SDK1: variants seen among roughly 807,000 people sequenced by gnomAD.
SDK1 encodes the protein protein sidekick-1.
SDK1 carries 157 observed loss-of-function variants against 245.5 expected under a neutral mutation model. The observed-to-expected ratio is 0.64, with a 90% CI of 0.56 to 0.73. SDK1 has a LOEUF of 0.73. Among genes scored for constraint, SDK1 ranks in the 30% least tolerant of loss-of-function variants. SDK1 has a pLI of 0.00. For synonymous variants in SDK1, 1,647 were observed against 1,278.5 expected, an observed-to-expected ratio of 1.29 and a Z score of -6.15; for missense variants, 3,583 against 3,002.3, an observed-to-expected ratio of 1.19 and a Z score of -4.52.
chr7:3,394,042 A>G (rs1327381524), intron 1 of SDK1, among the ~76,000 whole-genome samples: 9 of 152,244 alleles, frequency 5.9e-5, no homozygotes, highest in Admixed American at 5.9e-4. Flanking sequence ...ATTAGGGGGC[A>G]CCCTAAGGCC....
intron 5 of SDK1, among the ~76,000 whole-genome samples, chr7:3,906,990 C>G (rs1778973459): frequency 6.6e-6 from 1 of 152,226 alleles, no homozygotes; most frequent in South Asian, 2.1e-4. Flanking sequence ...ATCAAGCTTA[C>G]CTTTTCATTT....
chr7:3,447,384 CT>C (rs1780371663), intron 1 of SDK1, among the ~76,000 whole-genome samples: 1 of 151,872 alleles, frequency 6.6e-6, no homozygotes, highest in Non-Finnish European at 1.5e-5. Flanking sequence ...TAGGGTGTAT[CT>C]CTTCATACTC....
intron 4 of SDK1, among the ~76,000 whole-genome samples, chr7:3,750,684 T>G (rs1336843076): frequency 1.3e-5 from 2 of 152,232 alleles, no homozygotes; most frequent in Non-Finnish European, 2.9e-5. Flanking sequence ...TTTGCTCAAA[T>G]TGGATTTTCC....
intron 1 of SDK1, among the ~76,000 whole-genome samples, chr7:3,596,436 C>G (rs1781070449): frequency 6.6e-6 from 1 of 152,174 alleles, no homozygotes; most frequent in African/African-American, 2.4e-5. Flanking sequence ...GGGTAGATGT[C>G]TGCTCTAAGG....
chr7:3,334,680 C>G (rs4722693), intron 1 of SDK1, among the ~76,000 whole-genome samples: 24 of 152,030 alleles, frequency 1.6e-4, no homozygotes, highest in African/African-American at 4.3e-4. Context: ...TCATTCTGTT[C>G]CCTTCGTTGA....
intron 22 of SDK1, among the ~76,000 whole-genome samples, chr7:4,099,136 C>T (rs982394716): frequency 4.0e-5 from 6 of 151,738 alleles, no homozygotes; most frequent in South Asian, 2.1e-4. Flanking sequence ...CACAGTCTTT[C>T]GATGGGAGGG....
intron 5 of SDK1, among the ~76,000 whole-genome samples, chr7:3,831,972 G>A (rs954429192): frequency 6.6e-6 from 1 of 152,040 alleles, no homozygotes; most frequent in Non-Finnish European, 1.5e-5. Context: ...GATCACTTGA[G>A]CCAGGGAGGT....
chr7:3,342,560 C>G (rs1489351434), intron 1 of SDK1, among the ~76,000 whole-genome samples: 1 of 152,006 alleles, frequency 6.6e-6, no homozygotes, highest in Non-Finnish European at 1.5e-5. Flanking sequence ...TGCACTCCAG[C>G]CTAGGCAACA....
At chr7:4,165,849 C>T (rs778543259) in intron 32 of SDK1, among the ~76,000 whole-genome samples, 66 of 151,928 alleles carry the variant, frequency 4.3e-4, no homozygotes, top group Non-Finnish European at 9.1e-4. Context: ...TGCAGTGGCG[C>T]AATCATAGCT....
intron 4 of SDK1, among the ~76,000 whole-genome samples, chr7:3,711,829 G>A (rs900004070): frequency 1.3e-5 from 2 of 152,154 alleles, no homozygotes; most frequent in Non-Finnish European, 2.9e-5. Context: ...TGGGGGCGTT[G>A]TGATCTTTTG....
chr7:3,919,139 C>G (rs1241786198), intron 5 of SDK1, among the ~76,000 whole-genome samples: 1 of 152,226 alleles, frequency 6.6e-6, no homozygotes, highest in Non-Finnish European at 1.5e-5. Flanking sequence ...TCATCTCCCT[C>G]TGCCTCCTTT....
intron 2 of SDK1, among the ~76,000 whole-genome samples, chr7:3,633,658 A>G (rs1323084670): frequency 1.3e-5 from 2 of 152,142 alleles, no homozygotes; most frequent in Non-Finnish European, 2.9e-5. Flanking sequence ...AGGTTTTGCT[A>G]TGACCGTGGT....
At chr7:3,416,637 A>G (rs139413574) in intron 1 of SDK1, among the ~76,000 whole-genome samples, 183 of 152,164 alleles carry the variant, frequency 1.2e-3, no homozygotes, top group South Asian at 2.5e-3. Context: ...CTGGACAGGT[A>G]AATCAGTTCA....
At chr7:3,410,959 G>A (rs1779184458) in intron 1 of SDK1, among the ~76,000 whole-genome samples, 2 of 152,016 alleles carry the variant, frequency 1.3e-5, no homozygotes, top group Non-Finnish European at 2.9e-5. Flanking sequence ...GAGGCTTCAT[G>A]GTGTAGAGGA....
At chr7:4,120,770 C>T (rs904552257) in intron 25 of SDK1, among the ~76,000 whole-genome samples, 2 of 151,960 alleles carry the variant, frequency 1.3e-5, no homozygotes, top group African/African-American at 4.8e-5. Context: ...GTGCCCACCA[C>T]CATGACCAGC....
At chr7:4,197,626 A>G (rs886588909) in intron 35 of SDK1, among the ~76,000 whole-genome samples, 1 of 152,360 alleles carries the variant, frequency 6.6e-6, no homozygotes, top group African/African-American at 2.4e-5. Flanking sequence ...GATGGTGTAC[A>G]GGGGAGCGGA....
chr7:3,371,745 C>T (rs1478385719), intron 1 of SDK1, among the ~76,000 whole-genome samples: 2 of 152,112 alleles, frequency 1.3e-5, no homozygotes, highest in Non-Finnish European at 2.9e-5. Flanking sequence ...GATAATGGAT[C>T]CTTCACCCAA....
chr7:3,327,827 T>C (rs1779972583), intron 1 of SDK1, among the ~76,000 whole-genome samples: 1 of 152,178 alleles, frequency 6.6e-6, no homozygotes, highest in African/African-American at 2.4e-5. Context: ...GAATATTATG[T>C]AATGCTGTAA....
At chr7:3,652,445 G>A (rs1171223768) in intron 4 of SDK1, among the ~76,000 whole-genome samples, 3 of 152,222 alleles carry the variant, frequency 2.0e-5, no homozygotes, top group Non-Finnish European at 4.4e-5. Flanking sequence ...GGCCCCTCAT[G>A]GCCTCACAGC....
Sources: allele counts gnomAD v4.1 joint callset (sites outside exome capture counted in the v4.1 genomes callset), GRCh38; gene constraint gnomAD v4.1.1; transcripts MANE v1.5; gene names NCBI Gene and HGNC (gene_info 2026-07-23, HGNC 2026-07-21).